PTPRR: variants seen among roughly 807,000 people sequenced by gnomAD.
The protein encoded by PTPRR is receptor-type tyrosine-protein phosphatase R.
In PTPRR, 38 loss-of-function variants were observed where a neutral mutation model predicts 77.2. That is an observed-to-expected ratio of 0.49 (90% CI 0.38 to 0.65). The LOEUF (loss-of-function observed/expected upper bound fraction) is 0.65, where lower values mean the gene tolerates loss of function less well. PTPRR is among the 30% of genes least tolerant of loss of function. The probability of loss-of-function intolerance (pLI) is 0.00; values close to 1 mark genes in which losing one functional copy is unlikely to be tolerated. For missense variants in PTPRR, 744 were observed against 799.2 expected (o/e 0.93, Z 0.83); for synonymous variants, 299 against 283.1 (o/e 1.06, Z -0.57).
intron 2 of PTPRR, among the ~76,000 whole-genome samples, chr12:70,876,135 C>A (rs889162480): frequency 9.2e-5 from 14 of 151,786 alleles, no homozygotes; most frequent in Admixed American, 6.6e-5. Context: ...TACTCTTGGG[C>A]TAAAAAATCT....
At chr12:70,644,933 A>T (rs1194530744) in intron 13 of PTPRR, among the ~76,000 whole-genome samples, 1 of 152,172 alleles carries the variant, frequency 6.6e-6, no homozygotes, top group African/African-American at 2.4e-5. Context: ...TAGCTAAATG[A>T]TTTTAGACAA....
At chr12:70,647,267 C>G (rs1886235776) in intron 13 of PTPRR, among the ~76,000 whole-genome samples, 1 of 152,180 alleles carries the variant, frequency 6.6e-6, no homozygotes, top group Non-Finnish European at 1.5e-5. Context: ...CTTCCAGTGT[C>G]CAGTTGCCAA....
intron 6 of PTPRR, among the ~76,000 whole-genome samples, chr12:70,720,179 A>G (rs1389384833): frequency 1.3e-5 from 2 of 152,228 alleles, no homozygotes; most frequent in Admixed American, 1.3e-4. Context: ...TGCCTTAGTC[A>G]TTAGGGGAAG....
intron 2 of PTPRR, among the ~76,000 whole-genome samples, chr12:70,838,750 C>T (rs1606458): frequency 0.47 from 70,970 of 151,924 alleles, 17,251 homozygotes; most frequent in East Asian, 0.6. Context: ...TAAATGGGCA[C>T]CTAGAAATGA....
chr12:70,673,519 A>C (rs1303476116), intron 10 of PTPRR, among the ~76,000 whole-genome samples: 1 of 152,216 alleles, frequency 6.6e-6, no homozygotes, highest in Non-Finnish European at 1.5e-5. Flanking sequence ...GTAATAAGTA[A>C]GTAATTTTTC....
intron 6 of PTPRR, among the ~76,000 whole-genome samples, chr12:70,726,217 ATT>A (rs1889431415): frequency 6.6e-6 from 1 of 152,062 alleles, no homozygotes; most frequent in Non-Finnish European, 1.5e-5. Flanking sequence ...AAAAAATCTA[ATT>A]TAATGCAACA....
chr12:70,828,609 G>A lies in PTPRR; in HGVS notation c.358-63831C>T, dbSNP rs201314413. On this transcript the variant is annotated intron_variant, in intron 2 of 13. Transcript: ENST00000283228. ...CATTCCCAGGCTTACCCTTGGCCAT[G>A]TTATTATTTCTCAGTATGTAGTACT... Among the ~76,000 whole-genome samples, 10 of 152,300 alleles carry A rather than the reference G, an allele frequency of 6.6e-5. No homozygotes were observed. The East Asian group carries it at 1.9e-3, about 29-fold the overall frequency.
At chr12:70,722,090 A>G (rs891979398) in intron 6 of PTPRR, among the ~76,000 whole-genome samples, 1 of 152,156 alleles carries the variant, frequency 6.6e-6, no homozygotes, top group Non-Finnish European at 1.5e-5. Context: ...TGTCCCGGCT[A>G]TGCGCCCCCC....
Position 70,896,451 on chromosome 12 carries a change from G to A in PTPRR, c.59-3474C>T, listed in dbSNP as rs1172399749. On this transcript the variant is annotated intron_variant, in intron 1 of 13. Coordinates refer to ENST00000283228, the MANE Select transcript of PTPRR (RefSeq NM_002849.4). ...CACAATCTTTTCACGTTCTTATGGG[G>A]TATTCATCTAGACAGATCATATACT... Among the ~76,000 whole-genome samples, 17 of 151,506 alleles carry A rather than the reference G, an allele frequency of 1.1e-4. No individual in the cohort carries two copies. The Admixed American group carries it at 1.1e-3, about 10-fold the overall frequency.
chr12:70,644,964 C>A (rs537901180), intron 13 of PTPRR, among the ~76,000 whole-genome samples: 2 of 152,278 alleles, frequency 1.3e-5, no homozygotes, highest in Admixed American at 6.5e-5. Context: ...CCTTCCCAAC[C>A]TGGCTTTTCT....
chr12:70,873,032 GA>G (rs1387107060), intron 2 of PTPRR, among the ~76,000 whole-genome samples: 1 of 152,038 alleles, frequency 6.6e-6, no homozygotes, highest in Non-Finnish European at 1.5e-5. Flanking sequence ...ATTTTTATGA[GA>G]AAAAAATGAA....
intron 13 of PTPRR, among the ~76,000 whole-genome samples, chr12:70,656,235 A>G: frequency 6.6e-6 from 1 of 151,954 alleles, no homozygotes; most frequent in East Asian, 1.9e-4. Flanking sequence ...TAATAAATAA[A>G]TAAATAACTT....
intron 11 of PTPRR, 89 bp from the exon 12 acceptor site, chr12:70,661,186 C>T: frequency 1.3e-6 from 2 of 1,504,012 alleles, no homozygotes; most frequent in Non-Finnish European, 9.0e-7. Context: ...TTTATCACCC[C>T]CATCTTGCTG....
At chr12:70,773,066 T>C (rs1312337090) in intron 2 of PTPRR, among the ~76,000 whole-genome samples, 2 of 152,088 alleles carry the variant, frequency 1.3e-5, no homozygotes, top group Non-Finnish European at 2.9e-5. Flanking sequence ...TACTCTAATC[T>C]TTGCATCTGT....
At chr12:70,914,838 CA>C (rs1279523438) in intron 1 of PTPRR, among the ~76,000 whole-genome samples, 3 of 150,874 alleles carry the variant, frequency 2.0e-5, no homozygotes, top group Non-Finnish European at 3.0e-5. Context: ...ACAACAACAG[CA>C]ACAACAACAA....
chr12:70,883,176 G>A lies in PTPRR; in HGVS notation c.357+9503C>T, dbSNP rs1258278822. ...CGGGGGAGGCTGAGGCAGGAGAATC[G>A]CTTGAACCCAGAAGGTGAAGGTTGC... On this transcript the variant is annotated intron_variant, in intron 2 of 13. Transcript: ENST00000283228. Among the ~76,000 whole-genome samples, 5 of 152,176 alleles carry A rather than the reference G, an allele frequency of 3.3e-5. No homozygotes were observed. The East Asian group carries it at 7.7e-4, about 24-fold the overall frequency.
chr12:70,698,228 C>T (rs1367276558), intron 8 of PTPRR, 37 bp downstream of exon 8: 1 of 1,567,046 alleles, frequency 6.4e-7, no homozygotes, highest in Middle Eastern at 1.7e-4. Context: ...TCCCCTTGCC[C>T]CCCATACAAT....
At chr12:70,794,708 G>A (rs1198985795) in intron 2 of PTPRR, among the ~76,000 whole-genome samples, 1 of 152,166 alleles carries the variant, frequency 6.6e-6, no homozygotes, top group Non-Finnish European at 1.5e-5. Context: ...CAATGACACA[G>A]GACCTTGAAC....
intron 2 of PTPRR, among the ~76,000 whole-genome samples, chr12:70,873,178 A>G (rs1892991157): frequency 6.6e-6 from 1 of 152,180 alleles, no homozygotes; most frequent in East Asian, 1.9e-4. Context: ...TACGCCTATG[A>G]GTAGTTTATA....
Sources: allele counts gnomAD v4.1 joint callset (sites outside exome capture counted in the v4.1 genomes callset), GRCh38; gene constraint gnomAD v4.1.1; transcripts MANE v1.5; gene names NCBI Gene and HGNC (gene_info 2026-07-23, HGNC 2026-07-21).